The following FSIP1 variants were observed in gnomAD, a reference collection of about 807,000 sequenced individuals.
FSIP1 encodes fibrous sheath-interacting protein 1.
A neutral mutation model predicts 60.9 loss-of-function variants in FSIP1; 65 were observed. The ratio of observed to expected loss-of-function variants is 1.07; its 90% CI spans 0.87 to 1.31. The LOEUF (loss-of-function observed/expected upper bound fraction) is 1.31, where lower values mean the gene tolerates loss of function less well. FSIP1 is among the 40% of genes most tolerant of loss of function. The pLI is 0.00. For missense variants in FSIP1, 675 were observed against 665.5 expected (o/e 1.01, Z -0.16); for synonymous variants, 209 against 221.2 (o/e 0.94, Z 0.49).
At position 39,699,856 on chromosome 15, in the gene FSIP1, T is replaced by G. The variant is rs540024085; in HGVS notation, c.1188+13588A>C. Among the ~76,000 whole-genome samples, 3 of 152,286 alleles carry G rather than the reference T, an allele frequency of 2.0e-5. 1 individual carries two copies. The highest frequency in any genetic ancestry group is 7.2e-5 in the African/African-American group (3 of 41,572). On this transcript the variant is annotated intron_variant, in intron 10 of 11. Coordinates refer to ENST00000350221, the MANE Select transcript of FSIP1 (RefSeq NM_152597.5). ...TCAATCACTGCCACTAGAAGATATTTTTTTAAAAGACATAGAAACATAGCT... is the reference window on the plus strand; with the variant it reads ...TCAATCACTGCCACTAGAAGATATTGTTTTAAAAGACATAGAAACATAGCT...
intron 6 of FSIP1, among the ~76,000 whole-genome samples, chr15:39,740,136 T>C (rs1388432800): frequency 6.6e-6 from 1 of 152,236 alleles, no homozygotes; most frequent in African/African-American, 2.4e-5. Flanking sequence ...TTAAAATATA[T>C]TTTTTATTTC....
At chr15:39,753,020 T>A (rs1897208844) in intron 5 of FSIP1, among the ~76,000 whole-genome samples, 1 of 152,120 alleles carries the variant, frequency 6.6e-6, no homozygotes, top group Admixed American at 6.6e-5. Flanking sequence ...TGAAAAAGAA[T>A]TATTATTTAA....
intron 10 of FSIP1, among the ~76,000 whole-genome samples, chr15:39,657,397 C>G (rs2140446137): frequency 6.6e-6 from 1 of 152,286 alleles, no homozygotes; most frequent in Non-Finnish European, 1.5e-5. Context: ...ACATGGTCAC[C>G]ATGCTAGATT....
intron 11 of FSIP1, among the ~76,000 whole-genome samples, chr15:39,616,493 G>A (rs1891235775): frequency 6.6e-6 from 1 of 152,174 alleles, no homozygotes; most frequent in African/African-American, 2.4e-5. Flanking sequence ...TACAATCAGA[G>A]AGGATAAGGT....
chr15:39,696,870 CTGTGTGTGTGTGTGTGTGTGTGTGTGTG>C (rs67940382), intron 10 of FSIP1, among the ~76,000 whole-genome samples: 11 of 111,822 alleles, frequency 9.8e-5, no homozygotes, highest in African/African-American at 1.9e-4. Flanking sequence ...GAAGGGGTGT[CTGTGTGTGTGTGTGTGTGTGTGTGTGTG>C]TGTGTGTGTG....
intron 8 of FSIP1, among the ~76,000 whole-genome samples, chr15:39,727,801 GA>G (rs1201117456): frequency 6.6e-6 from 1 of 151,608 alleles, no homozygotes; most frequent in Non-Finnish European, 1.5e-5. Flanking sequence ...CCAAGAAAGA[GA>G]AAAAAAATAA....
chr15:39,690,317 A>G (rs1180412384), intron 10 of FSIP1, among the ~76,000 whole-genome samples: 1 of 152,224 alleles, frequency 6.6e-6, no homozygotes, highest in East Asian at 1.9e-4. Context: ...AGCAGTGTGG[A>G]AATGGACTGA....
chr15:39,628,884 T>C (rs929976332), intron 10 of FSIP1, among the ~76,000 whole-genome samples: 1 of 152,214 alleles, frequency 6.6e-6, no homozygotes, highest in African/African-American at 2.4e-5. Flanking sequence ...GGAGGAATAC[T>C]AACAAGCAAC....
intron 3 of FSIP1, among the ~76,000 whole-genome samples, chr15:39,768,389 G>T (rs1027198058): frequency 2.0e-5 from 3 of 152,082 alleles, no homozygotes; most frequent in African/African-American, 7.2e-5. Context: ...TATTGATAAT[G>T]AACATATTAG....
chr15:39,674,373 G>A (rs1385001207), intron 10 of FSIP1, among the ~76,000 whole-genome samples: 3 of 152,130 alleles, frequency 2.0e-5, no homozygotes, highest in African/African-American at 7.2e-5. Context: ...TACAATTCTA[G>A]TCAAAATCGT....
intron 5 of FSIP1, among the ~76,000 whole-genome samples, chr15:39,742,194 T>G (rs1171458241): frequency 6.6e-6 from 1 of 152,128 alleles, no homozygotes; most frequent in Non-Finnish European, 1.5e-5. Context: ...ACACATTAAC[T>G]CTCCAGAGAT....
chr15:39,642,933 A>T (rs1196516506), intron 10 of FSIP1, among the ~76,000 whole-genome samples: 2 of 152,214 alleles, frequency 1.3e-5, no homozygotes, highest in Non-Finnish European at 2.9e-5. Flanking sequence ...AGTTTTAGAG[A>T]GAAAATAAAA....
intron 10 of FSIP1, among the ~76,000 whole-genome samples, chr15:39,670,645 G>A (rs1315338251): frequency 5.3e-5 from 8 of 152,166 alleles, no homozygotes; most frequent in African/African-American, 1.9e-4. Context: ...TTATTTCATA[G>A]GCAGAAACAG....
chr15:39,672,528 T>C (rs537105759), intron 10 of FSIP1, among the ~76,000 whole-genome samples: 38 of 152,304 alleles, frequency 2.5e-4, no homozygotes, highest in African/African-American at 7.5e-4. Context: ...ATTAAAGCAA[T>C]TGGCACCTTG....
At chr15:39,631,240 T>C (rs1891872418) in intron 10 of FSIP1, among the ~76,000 whole-genome samples, 1 of 152,248 alleles carries the variant, frequency 6.6e-6, no homozygotes, top group African/African-American at 2.4e-5. Flanking sequence ...TACTGACCAG[T>C]GGTCCTAGGC....
rs576460032 is a variant in FSIP1, at chr15:39,738,127, G to A, written c.855C>T (p.Asp285=). The A allele has an allele frequency of 1.2e-6, 2 of 1,612,864 alleles. No homozygotes were observed. Among genetic ancestry groups the A allele is most frequent in the Non-Finnish European group, 1.7e-6 (2 of 1,179,482 alleles). ...AGAGCCCGGAATCTTTCTCATCCAA[G>A]TCCTTCAAAAGCTCAACCAGCCTTT... is the stretch of plus-strand genomic sequence containing the variant. The part of the protein sequence containing the change: ...EKKRLVELLK[D]LDEKDSGLSS... The change falls in exon 8 of 12, where the codon GAC becomes GAT. Residue 285 remains aspartate, a synonymous_variant. Coordinates refer to ENST00000350221, the MANE Select transcript of FSIP1 (RefSeq NM_152597.5).
At chr15:39,638,270 T>G (rs1039748639) in intron 10 of FSIP1, among the ~76,000 whole-genome samples, 1 of 152,228 alleles carries the variant, frequency 6.6e-6, no homozygotes, top group Non-Finnish European at 1.5e-5. Flanking sequence ...CCGTTAAGCA[T>G]GTTTAGAGTA....
At chr15:39,641,963 AAAT>A (rs1313851593) in intron 10 of FSIP1, among the ~76,000 whole-genome samples, 1 of 152,186 alleles carries the variant, frequency 6.6e-6, no homozygotes, top group Non-Finnish European at 1.5e-5. Flanking sequence ...ATAGAAATGC[AAAT>A]TGCAGTCACA....
chr15:39,777,090 C>T (rs1412170979), intron 1 of FSIP1, among the ~76,000 whole-genome samples: 1 of 151,752 alleles, frequency 6.6e-6, no homozygotes, highest in African/African-American at 2.4e-5. Flanking sequence ...CCACGCCCAG[C>T]TAATTATAGT....
Sources: allele counts gnomAD v4.1 joint callset (sites outside exome capture counted in the v4.1 genomes callset), GRCh38; gene constraint gnomAD v4.1.1; transcripts MANE v1.5; gene names NCBI Gene and HGNC (gene_info 2026-07-23, HGNC 2026-07-21).